CDH1: variants seen among roughly 807,000 people sequenced by gnomAD.
The protein encoded by CDH1 is cadherin 1.
CDH1 carries 35 observed loss-of-function variants against 84.5 expected under a neutral mutation model. That is an observed-to-expected ratio of 0.41 (90% CI 0.32 to 0.55). The LOEUF is 0.55. CDH1 is among the 20% of genes least tolerant of loss of function. The probability of loss-of-function intolerance (pLI) is 0.19; values close to 1 mark genes in which losing one functional copy is unlikely to be tolerated. For missense variants in CDH1, 994 were observed against 1,126.6 expected, an observed-to-expected ratio of 0.88 and a Z score of 1.68; for synonymous variants, 417 against 439.0, an observed-to-expected ratio of 0.95 and a Z score of 0.63.
Position 68,808,535 on chromosome 16 carries a change from G to A in CDH1, c.499G>A (p.Glu167Lys), listed in dbSNP as rs769076258. 30 of 1,614,014 alleles carry A rather than the reference G, an allele frequency of 1.9e-5. No individual in the cohort carries two copies. The highest frequency in any genetic ancestry group is 2.5e-5 in the Non-Finnish European group (30 of 1,180,020). Residue 167 changes from glutamate (E) to lysine (K), a missense_variant, in exon 4 of 16, where the codon GAA becomes AAA. Transcript: ENST00000261769. ...TCCTCCCATCAGCTGCCCAGAAAAT[G>A]AAAAAGGCCCATTTCCTAAAAACCT... ...VIPPISCPENEKGPFPKNLVQ... is the reference protein window; with the variant it reads ...VIPPISCPENKKGPFPKNLVQ...
chr16:68,737,393 TC>T lies in CDH1; in HGVS notation c.-22del. ...ACCCGACCGCACCCGGCGCCTGCCC[TC>T]GCTCGGCGTCCCCGGCCAGCCATGG... On this transcript the variant is annotated 5_prime_UTR_variant, in exon 1 of 16. Coordinates refer to ENST00000261769, the MANE Select transcript of CDH1 (RefSeq NM_004360.5). 2.0e-6 allele frequency: 3 copies of T among 1,529,828 alleles called. No individual in the cohort carries two copies. Among genetic ancestry groups the T allele is most frequent in the Non-Finnish European group, 2.6e-6 (3 of 1,144,480 alleles). 94.8% of individuals were successfully genotyped at this position (1,529,828 alleles called of 1,614,324 possible).
intron 15 of CDH1, among the ~76,000 whole-genome samples, chr16:68,832,128 C>T (rs933523439): frequency 2.6e-5 from 4 of 151,844 alleles, no homozygotes; most frequent in African/African-American, 7.3e-5. Flanking sequence ...CACTGGGGTT[C>T]GCTTAAGGGA....
At position 68,815,647 on chromosome 16, in the gene CDH1, A is replaced by G. The variant is rs1555516140; in HGVS notation, c.1453A>G (p.Ile485Val). The G allele has an allele frequency of 6.2e-7, 1 of 1,614,194 alleles. No individual in the cohort carries two copies. Among genetic ancestry groups the G allele is most frequent in the Non-Finnish European group, 8.5e-7 (1 of 1,180,046 alleles). ...TGTGCTGGATGTGAATGAAGCCCCC[A>G]TCTTTGTGCCTCCTGAAAAGAGAGT... Reference protein sequence around the residue: ...VDVLDVNEAPIFVPPEKRVEV... With the variant: ...VDVLDVNEAPVFVPPEKRVEV... Residue 485 changes from isoleucine to valine, a missense_variant, in exon 10 of 16, where the codon ATC becomes GTC. Coordinates refer to ENST00000261769, the MANE Select transcript of CDH1 (RefSeq NM_004360.5).
At chr16:68,814,760 A>C (rs934509279) in intron 9 of CDH1, among the ~76,000 whole-genome samples, 1 of 151,998 alleles carries the variant, frequency 6.6e-6, no homozygotes, top group African/African-American at 2.4e-5. Flanking sequence ...AATGTCCTAG[A>C]AACTTGAAAA....
chr16:68,801,755 T>G lies in CDH1; in HGVS notation c.249T>G (p.Ile83Met), dbSNP rs878854687. Residue 83 changes from isoleucine to methionine, a missense_variant, in exon 3 of 16, where the codon ATT (isoleucine) becomes ATG (methionine). This residue lies in a region of CDH1 where 203 missense variants were observed against 194.0 expected (regional missense o/e 1.05). Transcript: ENST00000261769. Reference sequence around the variant, plus strand: ...TCAAAGTGGGCACAGATGGTGTGATTACAGTCAAAAGGCCTCTACGGTTTC... The same window carrying G: ...TCAAAGTGGGCACAGATGGTGTGATGACAGTCAAAAGGCCTCTACGGTTTC... The part of the protein sequence containing the change: ...TRFKVGTDGV[I>M]TVKRPLRFHN... 6.2e-7 allele frequency: 1 copy of G among 1,614,184 alleles called. No individual in the cohort carries two copies. Among genetic ancestry groups the G allele is most frequent in the Non-Finnish European group, 8.5e-7 (1 of 1,180,008 alleles).
chr16:68,772,786 G>A (rs762211828), intron 2 of CDH1, among the ~76,000 whole-genome samples: 1 of 151,676 alleles, frequency 6.6e-6, no homozygotes, highest in East Asian at 1.9e-4. Context: ...AATACAAAAA[G>A]TACAAAAAAA....
rs978818685 is a variant in CDH1 at position 68,810,490 on chromosome 16, ATGTG to A, written c.832+153_832+156del. The A allele has an allele frequency of 8.4e-6, 6 of 713,110 alleles. No individual in the cohort carries two copies. The African/African-American group carries it at 8.7e-5, about 10-fold the overall frequency. 44.2% of individuals were successfully genotyped at this position (713,110 alleles called of 1,614,324 possible). ...GGCAAGCCATTGTTGTGTTATATGC[ATGTG>A]TGTAACAGTCTACCTGTGGAAACAT... On this transcript the variant is annotated intron_variant, in intron 6 of 15. Transcript: ENST00000261769.
At chr16:68,752,568 A>G (rs1367369344) in intron 2 of CDH1, among the ~76,000 whole-genome samples, 1 of 118,864 alleles carries the variant, frequency 8.4e-6, no homozygotes, top group African/African-American at 3.1e-5. Context: ...AGATCTCTCT[A>G]GAGGATATTT....
At chr16:68,790,877 G>A (rs554119980) in intron 2 of CDH1, among the ~76,000 whole-genome samples, 4 of 152,262 alleles carry the variant, frequency 2.6e-5, no homozygotes, top group Admixed American at 2.0e-4. Flanking sequence ...GAGTGAGGCT[G>A]TTAATCAATG....
chr16:68,809,005 G>A (rs1460253753), intron 5 of CDH1, 157 bp downstream of exon 5: 9 of 712,674 alleles, frequency 1.3e-5, no homozygotes, highest in East Asian at 5.4e-5. Flanking sequence ...ATGGGAGAAC[G>A]TGGGACAGTT....
At chr16:68,764,200 C>A (rs1959304412) in intron 2 of CDH1, among the ~76,000 whole-genome samples, 1 of 152,170 alleles carries the variant, frequency 6.6e-6, no homozygotes, top group South Asian at 2.1e-4. Flanking sequence ...AGATGTGGAT[C>A]ATGTCTACAT....
chr16:68,787,815 C>T lies in CDH1; in HGVS notation c.164-13855C>T, dbSNP rs932824110. Among the ~76,000 whole-genome samples the T allele has an allele frequency of 5.3e-5, 7 of 131,750 alleles. No homozygotes were observed. The South Asian group carries it at 9.8e-4, about 18-fold the overall frequency. The allele number at this position is 131,750 out of a possible 152,430, so 86.4% of individuals were successfully genotyped here. On this transcript the variant is annotated intron_variant, in intron 2 of 15. Transcript: ENST00000261769. ...CTGGGATTATAGACACCCACCACCACGCCCGGCTAATTTTTTTTTTTTTTT... is the reference window on the plus strand; with the variant it reads ...CTGGGATTATAGACACCCACCACCATGCCCGGCTAATTTTTTTTTTTTTTT...
At chr16:68,832,821 T>TA (rs1003174610) in intron 15 of CDH1, among the ~76,000 whole-genome samples, 3 of 150,400 alleles carry the variant, frequency 2.0e-5, no homozygotes, top group Non-Finnish European at 4.4e-5. Context: ...ACCCTGTCTC[T>TA]AAAAAAAAAG....
At chr16:68,798,300 G>C (rs919257481) in intron 2 of CDH1, among the ~76,000 whole-genome samples, 2 of 152,100 alleles carry the variant, frequency 1.3e-5, no homozygotes, top group African/African-American at 4.8e-5. Flanking sequence ...TGATCCTCCA[G>C]TTTCAACATT....
chr16:68,738,973 G>T (rs1456192125), intron 2 of CDH1, among the ~76,000 whole-genome samples: 3 of 17,966 alleles, frequency 1.7e-4, no homozygotes, highest in Non-Finnish European at 4.9e-4. Context: ...TTAAAGACAG[G>T]GTCTTGCTCT....
rs1280352966 is a variant in CDH1, at chr16:68,812,278, C to G, written c.1137+15C>G. 2 of 1,613,712 alleles carry G rather than the reference C, an allele frequency of 1.2e-6. No individual in the cohort carries two copies. Among genetic ancestry groups the G allele is most frequent in the South Asian group, 2.2e-5 (2 of 91,008 alleles). The stretch of plus-strand genomic sequence containing the variant: ...ATCCCACCACGGTAATTCTATAACT[C>G]CTTAGAGGGTTTCCAAAGAAAGGTC... On this transcript the variant is annotated intron_variant, in intron 8 of 15. Transcript: ENST00000261769.
chr16:68,786,961 G>A (rs1372576876), intron 2 of CDH1, among the ~76,000 whole-genome samples: 1 of 152,174 alleles, frequency 6.6e-6, no homozygotes, highest in African/African-American at 2.4e-5. Flanking sequence ...AGTAGTGCAA[G>A]CCTCACATTC....
At chr16:68,824,770 C>T (rs529613102) in intron 13 of CDH1, among the ~76,000 whole-genome samples, 2 of 152,290 alleles carry the variant, frequency 1.3e-5, no homozygotes, top group East Asian at 3.9e-4. Context: ...AAGGTAAATA[C>T]TTTTATCATT....
chr16:68,747,776 C>T (rs1465356179), intron 2 of CDH1, among the ~76,000 whole-genome samples: 1 of 151,532 alleles, frequency 6.6e-6, no homozygotes. Context: ...CCACACATAT[C>T]TTCCTTAGAC....
Sources: gnomAD v4.1 joint callset for allele counts (sites outside exome capture counted in the v4.1 genomes callset) on GRCh38, gnomAD v4.1.1 for gene constraint, gnomAD v4.1.1 regional missense constraint, MANE v1.5 for transcripts, NCBI Gene and HGNC (gene_info 2026-07-23, HGNC 2026-07-21) for gene names.